CENPP: variants seen among roughly 807,000 people sequenced by gnomAD.
The protein encoded by CENPP is centromere protein P.
Under a neutral mutation model 35.6 loss-of-function variants are expected in CENPP, and 24 were observed. The observed-to-expected ratio is 0.67, with a 90% CI of 0.49 to 0.95. The LOEUF is 0.95. CENPP is among the 40% of genes least tolerant of loss of function. The probability of loss-of-function intolerance (pLI) is 0.00; values close to 1 mark genes in which losing one functional copy is unlikely to be tolerated. For missense variants in CENPP, 332 were observed against 345.3 expected, an observed-to-expected ratio of 0.96 and a Z score of 0.31; for synonymous variants, 120 against 125.5, an observed-to-expected ratio of 0.96 and a Z score of 0.29.
intron 4 of CENPP, among the ~76,000 whole-genome samples, chr9:92,352,505 G>GTGTGTGTGTATATATATATATATA: frequency 3.0e-4 from 15 of 49,722 alleles, no homozygotes; most frequent in Middle Eastern, 9.6e-3. Flanking sequence ...GTGTGTGTGT[G>GTGTGTGTGTATATATATATATATA]TATACATATA....
intron 5 of CENPP, among the ~76,000 whole-genome samples, chr9:92,432,191 G>A (rs1310579598): frequency 2.0e-5 from 3 of 152,234 alleles, no homozygotes; most frequent in African/African-American, 4.8e-5. Context: ...TGGGCGTGGT[G>A]ATGGGTGCAT....
chr9:92,547,063 A>G (rs745495195), intron 5 of CENPP, among the ~76,000 whole-genome samples: 4 of 152,210 alleles, frequency 2.6e-5, no homozygotes, highest in Non-Finnish European at 4.4e-5. Flanking sequence ...CCAACAATAT[A>G]TAAATAATAT....
At chr9:92,456,865 A>C (rs1474274188) in intron 5 of CENPP, 1 of 764,230 alleles carries the variant, frequency 1.3e-6, no homozygotes, top group Non-Finnish European at 1.6e-6. Context: ...TGCACTCTTC[A>C]CATTACTGTC....
At chr9:92,376,488 G>C (rs765055201) in intron 4 of CENPP, among the ~76,000 whole-genome samples, 2 of 152,124 alleles carry the variant, frequency 1.3e-5, no homozygotes, top group Non-Finnish European at 2.9e-5. Flanking sequence ...AAGAAGGAGA[G>C]GAGCTGTCTG....
chr9:92,415,971 G>GTT (rs1216941793), intron 5 of CENPP, among the ~76,000 whole-genome samples: 4 of 140,142 alleles, frequency 2.9e-5, no homozygotes, highest in Admixed American at 7.2e-5. Flanking sequence ...TAAATTGTCA[G>GTT]TTATATATAT....
intron 5 of CENPP, chr9:92,457,272 T>C: frequency 3.7e-6 from 6 of 1,609,586 alleles, no homozygotes; most frequent in Non-Finnish European, 4.3e-6. Context: ...AAATGGACAT[T>C]ACCAATTACT....
chr9:92,325,945 C>G (rs988756749), upstream of CENPP: 8 of 1,442,550 alleles, frequency 5.5e-6, no homozygotes, highest in African/African-American at 1.1e-4. Context: ...GGGTGAAGCG[C>G]GCAGGTCGGA....
chr9:92,598,744 GGT>G (rs1850839519), intron 5 of CENPP, among the ~76,000 whole-genome samples: 2 of 135,678 alleles, frequency 1.5e-5, no homozygotes, highest in African/African-American at 3.1e-5. Context: ...TAACTGAAGG[GGT>G]TTTTTTTTTT....
At chr9:92,517,391 T>A in intron 5 of CENPP, 2 of 551,446 alleles carry the variant, frequency 3.6e-6, no homozygotes. Context: ...GAATTCAGGA[T>A]CTGTTGTAGA....
At chr9:92,393,119 T>C in intron 5 of CENPP, 1 of 1,613,688 alleles carries the variant, frequency 6.2e-7, no homozygotes, top group Non-Finnish European at 8.5e-7. Context: ...GTCAGCTTTT[T>C]AATTTTGTTG....
chr9:92,500,672 T>C, intron 5 of CENPP: 1 of 1,502,560 alleles, frequency 6.7e-7, no homozygotes, highest in Non-Finnish European at 9.1e-7. Context: ...GGTTGTTTTA[T>C]CATATATTTT....
chr9:92,352,149 C>A (rs1206230783), intron 4 of CENPP, among the ~76,000 whole-genome samples: 1 of 150,272 alleles, frequency 6.7e-6, no homozygotes, highest in African/African-American at 2.5e-5. Context: ...GTGGGCACAT[C>A]ACCTGAGGTC....
chr9:92,551,925 G>GTATATATATATATA (rs143120429), intron 5 of CENPP, among the ~76,000 whole-genome samples: 25 of 84,510 alleles, frequency 3.0e-4, no homozygotes, highest in Non-Finnish European at 3.9e-4. Context: ...TGGTGTGTGT[G>GTATATATATATATA]TATATATATA....
At chr9:92,528,020 GGA>G (rs1588236289) in intron 5 of CENPP, 1 of 152,142 alleles carries the variant, frequency 6.6e-6, no homozygotes, top group East Asian at 2.0e-4. Context: ...TCAGACTTTT[GGA>G]GAGTCTGTGA....
At chr9:92,403,150 TATC>T (rs1226134676) in intron 5 of CENPP, 2 of 850,550 alleles carry the variant, frequency 2.4e-6, no homozygotes, top group Non-Finnish European at 3.6e-6. Context: ...CCCCTTACCT[TATC>T]AGACACATTC....
intron 5 of CENPP, among the ~76,000 whole-genome samples, chr9:92,391,268 G>A (rs1300291289): frequency 2.0e-5 from 3 of 151,894 alleles, no homozygotes; most frequent in Middle Eastern, 3.4e-3. Flanking sequence ...TTAGCCAGGC[G>A]TGGTGGCGAG....
At chr9:92,522,834 C>G in intron 5 of CENPP, 1 of 1,606,834 alleles carries the variant, frequency 6.2e-7, no homozygotes, top group Non-Finnish European at 8.5e-7. Context: ...AAATGATAAG[C>G]AGAAAAAAAC....
intron 5 of CENPP, among the ~76,000 whole-genome samples, chr9:92,468,978 A>T (rs889911079): frequency 2.0e-5 from 3 of 152,246 alleles, no homozygotes; most frequent in African/African-American, 7.2e-5. Context: ...AAACTTTCAT[A>T]GCCCCAGTAT....
intron 5 of CENPP, among the ~76,000 whole-genome samples, chr9:92,556,455 GT>G (rs1447581835): frequency 6.6e-6 from 1 of 152,064 alleles, no homozygotes; most frequent in Non-Finnish European, 1.5e-5. Context: ...CTATTATTGT[GT>G]TGCTGTCTGT....
Sources: gnomAD v4.1 joint callset for allele counts (sites outside exome capture counted in the v4.1 genomes callset) on GRCh38, gnomAD v4.1.1 for gene constraint, MANE v1.5 for transcripts, NCBI Gene and HGNC (gene_info 2026-07-23, HGNC 2026-07-21) for gene names.